The following DCC variants were observed in gnomAD, a reference collection of about 807,000 sequenced individuals.
The protein encoded by DCC is netrin receptor DCC.
A neutral mutation model predicts 172.5 loss-of-function variants in DCC; 58 were observed. The observed-to-expected ratio is 0.34, with a 90% CI of 0.27 to 0.42. The LOEUF (loss-of-function observed/expected upper bound fraction) is 0.42. Among genes scored for constraint, DCC ranks in the 10% least tolerant of loss-of-function variants. The probability of loss-of-function intolerance (pLI) is 1.00; values close to 1 mark genes in which losing one functional copy is unlikely to be tolerated. For synonymous variants in DCC, 709 were observed against 644.5 expected, an observed-to-expected ratio of 1.10 and a Z score of -1.52; for missense variants, 1,740 against 1,791.0, an observed-to-expected ratio of 0.97 and a Z score of 0.51.
chr18:53,404,620 A>G (rs1909539096), intron 19 of DCC, among the ~76,000 whole-genome samples: 1 of 151,856 alleles, frequency 6.6e-6, no homozygotes, highest in African/African-American at 2.4e-5. Context: ...AGTCCCAGCT[A>G]CTCTGGAGGC....
At chr18:52,994,017 T>G (rs2145627273) in intron 5 of DCC, among the ~76,000 whole-genome samples, 1 of 152,238 alleles carries the variant, frequency 6.6e-6, no homozygotes, top group Admixed American at 6.5e-5. Flanking sequence ...TTGCCCACAC[T>G]GACAAAACTA....
intron 2 of DCC, among the ~76,000 whole-genome samples, chr18:52,849,607 AT>A (rs1487581382): frequency 6.6e-6 from 1 of 152,202 alleles, no homozygotes; most frequent in East Asian, 1.9e-4. Context: ...CCAAAACAGA[AT>A]CTCAGCTTTG....
At chr18:52,627,992 G>GT (rs1476496564) in intron 1 of DCC, among the ~76,000 whole-genome samples, 4 of 152,120 alleles carry the variant, frequency 2.6e-5, no homozygotes, top group African/African-American at 9.7e-5. Context: ...AAACTCTGAG[G>GT]TTCTGTAAAA....
chr18:53,303,483 A>G (rs931466728), intron 12 of DCC, among the ~76,000 whole-genome samples: 4 of 152,190 alleles, frequency 2.6e-5, no homozygotes, highest in Non-Finnish European at 5.9e-5. Context: ...TTGTCAGTTT[A>G]CATTAAAATG....
chr18:53,306,417 C>A (rs578040376), intron 13 of DCC, among the ~76,000 whole-genome samples: 1 of 152,204 alleles, frequency 6.6e-6, no homozygotes, highest in African/African-American at 2.4e-5. Context: ...AAGGAGAGAA[C>A]AAGGAAAGCA....
At chr18:53,499,827 T>A (rs2046074481) in intron 27 of DCC, among the ~76,000 whole-genome samples, 1 of 152,166 alleles carries the variant, frequency 6.6e-6, no homozygotes, top group East Asian at 1.9e-4. Flanking sequence ...TTCCCTAACT[T>A]CATTCTGCCA....
At chr18:52,903,906 T>C (rs1354755668) in intron 2 of DCC, among the ~76,000 whole-genome samples, 2 of 152,194 alleles carry the variant, frequency 1.3e-5, no homozygotes, top group Non-Finnish European at 1.5e-5. Flanking sequence ...CACAAGACTG[T>C]ATAATGCAGA....
At chr18:53,129,484 TC>T (rs1317282138) in intron 7 of DCC, among the ~76,000 whole-genome samples, 1 of 152,136 alleles carries the variant, frequency 6.6e-6, no homozygotes, top group Non-Finnish European at 1.5e-5. Flanking sequence ...AGTTTATTAT[TC>T]CCCTCTCCCT....
At chr18:52,549,293 C>T (rs539073427) in intron 1 of DCC, among the ~76,000 whole-genome samples, 5 of 152,144 alleles carry the variant, frequency 3.3e-5, no homozygotes, top group Admixed American at 6.6e-5. Flanking sequence ...ACTGGAGATA[C>T]GGACATTCTA....
Position 53,450,120 on chromosome 18 carries a change from GATATATATAT to G in DCC, c.3230-366_3230-357del, listed in dbSNP as rs59116255. On this transcript the variant is annotated intron_variant, in intron 22 of 28. Coordinates refer to ENST00000442544, the MANE Select transcript of DCC (RefSeq NM_005215.4). ...CCTGGGTAATATTCCATCATAGGGG[GATATATATAT>G]ATATATATATATACACACACACATA... is the stretch of plus-strand genomic sequence containing the variant. 1.1e-3 allele frequency among the ~76,000 whole-genome samples: 167 copies of G among 147,228 alleles called. 1 individual carries two copies. The highest frequency in any genetic ancestry group is 1.4e-3 in the Non-Finnish European group (97 of 67,098).
chr18:52,417,846 T>G (rs1598802205), intron 1 of DCC, among the ~76,000 whole-genome samples: 1 of 152,236 alleles, frequency 6.6e-6, no homozygotes. Flanking sequence ...AGTAGTTTGA[T>G]CGTCTGAAGC....
At chr18:53,423,322 G>A (rs1028748710) in intron 21 of DCC, among the ~76,000 whole-genome samples, 2 of 152,086 alleles carry the variant, frequency 1.3e-5, no homozygotes, top group African/African-American at 2.4e-5. Flanking sequence ...ACTTCAATCA[G>A]CCCTAGATTC....
chr18:52,770,831 C>T (rs979210320), intron 2 of DCC, among the ~76,000 whole-genome samples: 5 of 152,146 alleles, frequency 3.3e-5, no homozygotes, highest in Non-Finnish European at 7.3e-5. Flanking sequence ...ATGTAGAAGT[C>T]AGTAGTTTTA....
intron 5 of DCC, among the ~76,000 whole-genome samples, chr18:53,014,022 G>A (rs957618568): frequency 3.3e-5 from 5 of 152,048 alleles, no homozygotes; most frequent in African/African-American, 1.2e-4. Context: ...ATACTATTTT[G>A]TAACCTTAGT....
chr18:53,334,932 A>G (rs1366523969), intron 14 of DCC, among the ~76,000 whole-genome samples: 1 of 152,150 alleles, frequency 6.6e-6, no homozygotes. Flanking sequence ...CCTGCTTTCA[A>G]TTCTTTTTGC....
At chr18:52,739,516 G>A (rs1430406997) in intron 1 of DCC, among the ~76,000 whole-genome samples, 1 of 152,144 alleles carries the variant, frequency 6.6e-6, no homozygotes, top group East Asian at 1.9e-4. Context: ...GAAGATCAGA[G>A]CCACAAGAGA....
chr18:52,925,496 C>A, intron 5 of DCC, 126 bp downstream of exon 5: 1 of 918,332 alleles, frequency 1.1e-6, no homozygotes, highest in Non-Finnish European at 1.8e-6. Flanking sequence ...CCCAATACTC[C>A]ACACATGTCC....
At chr18:52,549,482 C>G (rs1252917520) in intron 1 of DCC, among the ~76,000 whole-genome samples, 1 of 152,012 alleles carries the variant, frequency 6.6e-6, no homozygotes, top group African/African-American at 2.4e-5. Context: ...CTTTGTACCT[C>G]CTTCCTAAAG....
intron 1 of DCC, among the ~76,000 whole-genome samples, chr18:52,647,991 A>T (rs1416108675): frequency 6.6e-6 from 1 of 152,222 alleles, no homozygotes; most frequent in Non-Finnish European, 1.5e-5. Context: ...TTCTAAAAAA[A>T]TGTTTATGGA....
Sources: allele counts gnomAD v4.1 joint callset (sites outside exome capture counted in the v4.1 genomes callset), GRCh38; gene constraint gnomAD v4.1.1; transcripts MANE v1.5; gene names NCBI Gene and HGNC (gene_info 2026-07-23, HGNC 2026-07-21).